The following ZNF714 variants were observed in gnomAD, a reference collection of about 807,000 sequenced individuals.
The protein encoded by ZNF714 is zinc finger protein 714.
In ZNF714, 32 loss-of-function variants were observed where a neutral mutation model predicts 46.2. The ratio of observed to expected loss-of-function variants is 0.69; its 90% CI spans 0.52 to 0.93. The LOEUF is 0.93. Among genes scored for constraint, ZNF714 ranks in the 40% least tolerant of loss-of-function variants. The pLI, the probability that ZNF714 is intolerant of heterozygous loss-of-function variation, is 0.00. For missense variants in ZNF714, 635 were observed against 646.3 expected (o/e 0.98, Z 0.19); for synonymous variants, 199 against 213.1 (o/e 0.93, Z 0.58).
At chr19:21,102,485 TAA>T (rs1245784185) in intron 4 of ZNF714, among the ~76,000 whole-genome samples, 3 of 152,310 alleles carry the variant, frequency 2.0e-5, no homozygotes, top group East Asian at 3.9e-4. Flanking sequence ...TTGAAAAATA[TAA>T]GTTTTAATTT....
intron 2 of ZNF714, among the ~76,000 whole-genome samples, chr19:21,097,754 C>T (rs1034208191): frequency 7.7e-6 from 1 of 129,306 alleles, no homozygotes; most frequent in Non-Finnish European, 1.8e-5. Flanking sequence ...TTTAAAAACT[C>T]AGACTTTATT....
intron 4 of ZNF714, among the ~76,000 whole-genome samples, chr19:21,111,520 C>T (rs1404903683): frequency 1.3e-5 from 2 of 151,586 alleles, no homozygotes; most frequent in Non-Finnish European, 3.0e-5. Flanking sequence ...GCAAACATGT[C>T]GTCTGCAAGC....
Position 21,123,121 on chromosome 19 carries a change from T to C in ZNF714, c.*4789T>C, listed in dbSNP as rs1599559424. The C allele has an allele frequency of 8.3e-6, 1 of 120,374 alleles. No individual in the cohort carries two copies. The highest frequency in any genetic ancestry group is 3.1e-5 in the African/African-American group (1 of 31,824). The allele number at this position is 120,374 out of a possible 1,614,324, so 7.5% of individuals were successfully genotyped here. ...GTGAGCCGAAATTGCGCCATTGCAC[T>C]CCAGCCTGGACAAGAGCAAAACTCT... On this transcript the variant is annotated 3_prime_UTR_variant, in exon 5 of 5. Transcript: ENST00000456283.
intron 2 of ZNF714, among the ~76,000 whole-genome samples, chr19:21,089,770 C>T (rs867049839): frequency 1.3e-5 from 2 of 151,104 alleles, no homozygotes; most frequent in African/African-American, 4.8e-5. Flanking sequence ...TTTGTTACAG[C>T]TTAAGACTAA....
intron 4 of ZNF714, among the ~76,000 whole-genome samples, chr19:21,114,543 TC>T (rs1242826861): frequency 1.3e-5 from 2 of 152,168 alleles, no homozygotes; most frequent in African/African-American, 4.8e-5. Context: ...ATTTGTCTTT[TC>T]ATGCGAAGTG....
At position 21,123,495 on chromosome 19, in the gene ZNF714, C is replaced by T. The variant is rs1377783529; in HGVS notation, c.*5163C>T. Among the ~76,000 whole-genome samples the T allele has an allele frequency of 6.6e-6, 1 of 152,088 alleles. No individual in the cohort carries two copies. Among genetic ancestry groups the T allele is most frequent in the African/African-American group, 2.4e-5 (1 of 41,424 alleles). ...TCAGCCTCCCGAGTAGCTGGGACTA[C>T]AGGCGCCCGCTACCGCACCCGTCTA... On this transcript the variant is annotated 3_prime_UTR_variant, in exon 5 of 5. Transcript: ENST00000456283.
chr19:21,112,648 G>T (rs1364292886), intron 4 of ZNF714, among the ~76,000 whole-genome samples: 6 of 149,806 alleles, frequency 4.0e-5, no homozygotes, highest in Non-Finnish European at 7.4e-5. Flanking sequence ...TGGTTTTCTC[G>T]TTCTTTTAGT....
rs771952749 is a variant in ZNF714, at chr19:21,116,965, G to T, written c.301G>T (p.Gly101Cys). The T allele has an allele frequency of 2.7e-5, 44 of 1,609,248 alleles. No homozygotes were observed. The highest frequency in any genetic ancestry group is 3.5e-5 in the Non-Finnish European group (41 of 1,179,368). ...NVVECKVYKK[G>C]YNELNQCLTT... ...GGTTGAGTGTAAGGTGTACAAAAAAGGTTATAATGAACTAAACCAGTGTTT... is the reference window on the plus strand; with the variant it reads ...GGTTGAGTGTAAGGTGTACAAAAAATGTTATAATGAACTAAACCAGTGTTT... Residue 101 changes from glycine to cysteine, a missense_variant, in exon 5 of 5, where the codon GGT (glycine) becomes TGT (cysteine). Transcript: ENST00000456283.
At chr19:21,115,096 A>T (rs1402050188) in intron 4 of ZNF714, among the ~76,000 whole-genome samples, 1 of 152,044 alleles carries the variant, frequency 6.6e-6, no homozygotes, top group Non-Finnish European at 1.5e-5. Context: ...CCTCTAAAAG[A>T]TAAAACAGTG....
chr19:21,100,447 G>T (rs143138751), intron 4 of ZNF714, among the ~76,000 whole-genome samples: 3 of 151,782 alleles, frequency 2.0e-5, no homozygotes, highest in Non-Finnish European at 4.4e-5. Flanking sequence ...CAGGAGAATC[G>T]CTTCAACCCA....
intron 4 of ZNF714, among the ~76,000 whole-genome samples, chr19:21,107,912 TGA>T (rs2144861651): frequency 6.6e-6 from 1 of 152,264 alleles, no homozygotes; most frequent in African/African-American, 2.4e-5. Flanking sequence ...ACAAAGTGTA[TGA>T]TTTTGGTCTT....
At chr19:21,109,421 C>T (rs2144864253) in intron 4 of ZNF714, among the ~76,000 whole-genome samples, 1 of 152,060 alleles carries the variant, frequency 6.6e-6, no homozygotes, top group South Asian at 2.1e-4. Flanking sequence ...ATTTTTTGCC[C>T]TGTTGTCTAG....
intron 4 of ZNF714, among the ~76,000 whole-genome samples, chr19:21,105,681 G>A (rs905092934): frequency 1.3e-5 from 2 of 151,746 alleles, no homozygotes; most frequent in Admixed American, 6.6e-5. Context: ...TTGGCCAGGC[G>A]CAGTGGCTCA....
At chr19:21,089,147 A>C (rs988847864) in intron 2 of ZNF714, among the ~76,000 whole-genome samples, 2 of 152,178 alleles carry the variant, frequency 1.3e-5, no homozygotes, top group Non-Finnish European at 2.9e-5. Context: ...GCAATGCAAA[A>C]CAGAAGAGAA....
chr19:21,111,230 C>T (rs1462377793), intron 4 of ZNF714, among the ~76,000 whole-genome samples: 1 of 151,724 alleles, frequency 6.6e-6, no homozygotes, highest in Admixed American at 6.6e-5. Flanking sequence ...TGTTTGTGTC[C>T]TCTCTGATTT....
At position 21,120,341 on chromosome 19, in the gene ZNF714, A is replaced by G. The variant is rs1343274320; in HGVS notation, c.*2009A>G. On this transcript the variant is annotated 3_prime_UTR_variant, in exon 5 of 5. Transcript: ENST00000456283. ...ACAGGCATGAGCCACTGCTCCTGGC[A>G]AGAGATTCTTTTTTATTAGGTGGGC... The G allele has an allele frequency of 2.0e-5, 3 of 151,970 alleles. No homozygotes were observed. The highest frequency in any genetic ancestry group is 2.1e-4 in the South Asian group (1 of 4,822). 9.4% of individuals were successfully genotyped at this position (151,970 alleles called of 1,614,324 possible). A position where few individuals can be genotyped will look rare whatever the true frequency, so the allele number is the denominator to read the frequency against.
intron 2 of ZNF714, among the ~76,000 whole-genome samples, chr19:21,089,235 G>T (rs1210182336): frequency 1.3e-5 from 2 of 152,030 alleles, no homozygotes; most frequent in Non-Finnish European, 2.9e-5. Context: ...CCCAAAACAG[G>T]GTCTATAGTG....
chr19:21,117,866 A>C lies in ZNF714; in HGVS notation c.1202A>C (p.Glu401Ala), dbSNP rs760638774. The C allele has an allele frequency of 6.2e-7, 1 of 1,613,064 alleles. No homozygotes were observed. The highest frequency in any genetic ancestry group is 8.5e-7 in the Non-Finnish European group (1 of 1,179,966). Residue 401 changes from glutamate to alanine, a missense_variant, in exon 5 of 5, where the codon GAA becomes GCA. Glu to Ala is a moderately radical substitution (Grantham distance 107). Transcript: ENST00000456283. ...GGAGAGAAACCTTACAAATGTGAAG[A>C]ATGTGGCAAAGCTTTTAACCAATCC... The part of the protein sequence containing the change: ...HTGEKPYKCE[E>A]CGKAFNQSSN...
At chr19:21,086,900 C>T (rs73020654) in intron 2 of ZNF714, among the ~76,000 whole-genome samples, 11,513 of 152,034 alleles carry the variant, frequency 0.076, 495 homozygotes, top group Non-Finnish European at 0.086. Context: ...GATATTTTTG[C>T]CTAACTAGTC....
Sources: allele counts gnomAD v4.1 joint callset (sites outside exome capture counted in the v4.1 genomes callset), GRCh38; gene constraint gnomAD v4.1.1; transcripts MANE v1.5; gene names NCBI Gene and HGNC (gene_info 2026-07-23, HGNC 2026-07-21).